The following KDM4C variants were observed in gnomAD, a reference collection of about 807,000 sequenced individuals.
KDM4C encodes the protein lysine demethylase 4C.
In KDM4C, 81 loss-of-function variants were observed where a neutral mutation model predicts 129.3. The observed-to-expected ratio is 0.63, with a 90% CI of 0.52 to 0.75. KDM4C has a LOEUF of 0.75. KDM4C is among the 30% of genes least tolerant of loss of function. The pLI, the probability that KDM4C is intolerant of heterozygous loss-of-function variation, is 0.00. For synonymous variants in KDM4C, 573 were observed against 456.1 expected, an observed-to-expected ratio of 1.26 and a Z score of -3.26; for missense variants, 1,457 against 1,304.0, an observed-to-expected ratio of 1.12 and a Z score of -1.81.
intron 15 of KDM4C, among the ~76,000 whole-genome samples, chr9:7,020,556 A>G (rs1398112165): frequency 6.6e-6 from 1 of 152,176 alleles, no homozygotes; most frequent in African/African-American, 2.4e-5. Flanking sequence ...CACGTTCCAA[A>G]CATTACCAAA....
intron 20 of KDM4C, among the ~76,000 whole-genome samples, chr9:7,168,267 A>G (rs1844609728): frequency 6.6e-6 from 1 of 152,244 alleles, no homozygotes. Flanking sequence ...AACATGGCAC[A>G]GCTGTGTGGT....
At chr9:6,984,452 A>G in intron 10 of KDM4C, 48 bp downstream of exon 10, 1 of 1,198,072 alleles carries the variant, frequency 8.3e-7, no homozygotes, top group South Asian at 1.3e-5. Flanking sequence ...TAGGTGGTTG[A>G]TGATCAGATG....
At chr9:6,777,604 G>A (rs559401391) in intron 1 of KDM4C, among the ~76,000 whole-genome samples, 30 of 152,066 alleles carry the variant, frequency 2.0e-4, no homozygotes, top group Non-Finnish European at 4.3e-4. Context: ...TGTTATATCT[G>A]TTCTCCTTAT....
At position 7,103,707 on chromosome 9, in the gene KDM4C, G is replaced by C. The variant is rs180710573; in HGVS notation, c.2447G>C (p.Arg816Pro). Residue 816 changes from arginine (R) to proline (P), a missense_variant, in exon 18 of 22, where the codon CGG (arginine) becomes CCG (proline). By Grantham distance (103) the Arg-to-Pro change is moderately radical. Transcript: ENST00000381309. Reference protein sequence around the residue: ...LKLKCIFCRHRVKRVSGACIQ... With the variant: ...LKLKCIFCRHPVKRVSGACIQ... ...CAGAAATGCATCTTCTGCAGACACC[G>C]GGTTAAGAGGGTCTCTGGAGCCTGC... The C allele has an allele frequency of 1.2e-5, 19 of 1,613,222 alleles. No homozygotes were observed. The highest frequency in any genetic ancestry group is 1.6e-5 in the Non-Finnish European group (19 of 1,179,526).
intron 19 of KDM4C, among the ~76,000 whole-genome samples, chr9:7,137,978 C>T (rs187507490): frequency 1.3e-5 from 2 of 152,326 alleles, no homozygotes; most frequent in East Asian, 3.9e-4. Flanking sequence ...ACATTACCTT[C>T]ATTTTATTAT....
chr9:7,040,413 A>T (rs79328083), intron 15 of KDM4C, among the ~76,000 whole-genome samples: 1 of 114,550 alleles, frequency 8.7e-6, no homozygotes, highest in Non-Finnish European at 1.7e-5. Flanking sequence ...GTGCGTGTGT[A>T]TGTGTCTGTG....
At chr9:7,079,694 G>C (rs991957140) in intron 17 of KDM4C, among the ~76,000 whole-genome samples, 2 of 152,182 alleles carry the variant, frequency 1.3e-5, no homozygotes, top group African/African-American at 4.8e-5. Context: ...ACTCTGCATA[G>C]TCGAATTCTG....
chr9:6,963,385 A>C (rs533413922), intron 8 of KDM4C, among the ~76,000 whole-genome samples: 1 of 152,382 alleles, frequency 6.6e-6, no homozygotes, highest in South Asian at 2.1e-4. Context: ...CAGGATAAGC[A>C]CAATCTTTGT....
chr9:6,803,650 G>T (rs1588382115), intron 2 of KDM4C, among the ~76,000 whole-genome samples: 1 of 151,002 alleles, frequency 6.6e-6, no homozygotes, highest in Non-Finnish European at 1.5e-5. Context: ...AGTGACTATT[G>T]CCTGTAATTC....
intron 4 of KDM4C, among the ~76,000 whole-genome samples, chr9:6,844,658 A>G (rs1483888316): frequency 6.6e-6 from 1 of 152,124 alleles, no homozygotes; most frequent in Non-Finnish European, 1.5e-5. Flanking sequence ...AAAGAGGACA[A>G]AGTTTTTCGA....
chr9:7,117,180 C>A (rs1838995199), intron 18 of KDM4C, among the ~76,000 whole-genome samples: 1 of 151,848 alleles, frequency 6.6e-6, no homozygotes, highest in South Asian at 2.1e-4. Context: ...TTTTAGTAGT[C>A]ATTTTTCTAA....
chr9:6,982,473 G>C (rs921660673), intron 9 of KDM4C: 1 of 152,144 alleles, frequency 6.6e-6, no homozygotes, highest in Non-Finnish European at 1.5e-5. Context: ...TGTGGTAAGG[G>C]CAAATATTCA....
At chr9:6,766,014 C>G (rs1039590126) in intron 1 of KDM4C, among the ~76,000 whole-genome samples, 1 of 152,154 alleles carries the variant, frequency 6.6e-6, no homozygotes, top group Non-Finnish European at 1.5e-5. Context: ...GTCACTAACT[C>G]CTGACCTCAG....
At chr9:6,896,992 G>A (rs917046400) in intron 8 of KDM4C, among the ~76,000 whole-genome samples, 4 of 152,156 alleles carry the variant, frequency 2.6e-5, no homozygotes, top group African/African-American at 7.2e-5. Context: ...TAAGATTTGG[G>A]TACATTTGAT....
chr9:6,747,663 G>T (rs1011681708), intron 1 of KDM4C, among the ~76,000 whole-genome samples: 45 of 152,138 alleles, frequency 3.0e-4, no homozygotes, highest in Middle Eastern at 3.4e-3. Flanking sequence ...GTCAGATAAT[G>T]TCATAGTATT....
chr9:6,928,576 C>G (rs1589151290), intron 8 of KDM4C, among the ~76,000 whole-genome samples: 1 of 151,568 alleles, frequency 6.6e-6, no homozygotes, highest in East Asian at 1.9e-4. Context: ...GTATCCTGGA[C>G]TATAGTATAT....
At position 7,175,103 on chromosome 9, in the gene KDM4C, T is replaced by C. The variant is rs1252763027; in HGVS notation, c.*374T>C. ...GGAAACACACGGGGACCTCTCTCTC[T>C]AGCTCCAGCAGGTGGCACCTCGGTA... On this transcript the variant is annotated 3_prime_UTR_variant, in exon 22 of 22. Coordinates refer to ENST00000381309, the MANE Select transcript of KDM4C (RefSeq NM_015061.6). 6.0e-6 allele frequency: 1 copy of C among 167,888 alleles called. No homozygotes were observed. Among genetic ancestry groups the C allele is most frequent in the Non-Finnish European group, 1.3e-5 (1 of 77,574 alleles). 10.4% of individuals were successfully genotyped at this position (167,888 alleles called of 1,614,324 possible). A position where few individuals can be genotyped will look rare whatever the true frequency, so the allele number is the denominator to read the frequency against.
intron 9 of KDM4C, chr9:6,982,189 C>T (rs951736877): frequency 1.3e-5 from 2 of 151,354 alleles, no homozygotes; most frequent in Admixed American, 1.3e-4. Context: ...TACATCTTTG[C>T]CCAGACTTAT....
chr9:6,972,732 G>A (rs922942839), intron 8 of KDM4C, among the ~76,000 whole-genome samples: 2 of 152,132 alleles, frequency 1.3e-5, no homozygotes, highest in Non-Finnish European at 2.9e-5. Context: ...CTGCGTGTTG[G>A]ATACCTGTTG....
Sources: allele counts gnomAD v4.1 joint callset (sites outside exome capture counted in the v4.1 genomes callset), GRCh38; gene constraint gnomAD v4.1.1; transcripts MANE v1.5; gene names NCBI Gene and HGNC (gene_info 2026-07-23, HGNC 2026-07-21).